SARS2: variants seen among roughly 807,000 people sequenced by gnomAD.
The protein encoded by SARS2 is serine--tRNA ligase, mitochondrial.
Under a neutral mutation model 66.8 loss-of-function variants are expected in SARS2, and 52 were observed. The ratio of observed to expected loss-of-function variants is 0.78; its 90% CI spans 0.62 to 0.98. The LOEUF is 0.98. SARS2 is among the 50% of genes least tolerant of loss of function. SARS2 has a pLI of 0.00. For missense variants in SARS2, 673 were observed against 706.3 expected (o/e 0.95, Z 0.53); for synonymous variants, 306 against 281.4 (o/e 1.09, Z -0.87).
intron 12 of SARS2, 152 bp from the exon 13 acceptor site, chr19:38,916,466 A>C (rs1294565358): frequency 1.5e-6 from 1 of 656,208 alleles, no homozygotes; most frequent in Non-Finnish European, 2.6e-6. Context: ...GACCTCATCT[A>C]CTCCAAAAAA....
At chr19:38,918,338 G>T in intron 9 of SARS2, 84 bp downstream of exon 9, 2 of 1,338,172 alleles carry the variant, frequency 1.5e-6, no homozygotes, top group Non-Finnish European at 2.1e-6. Context: ...CGGGGCAGGT[G>T]ATCCCCCCCA....
rs535439669 is a variant in SARS2, at chr19:38,921,331, G to A, written c.589+61C>T. On this transcript the variant is annotated intron_variant, in intron 5 of 15. Coordinates refer to ENST00000221431, the MANE Select transcript of SARS2 (RefSeq NM_017827.4). ...CCCAGACCCCAGGGGCCCCCACCCC[G>A]AGACCCCAGAACCCCCACACCGCAG... The A allele has an allele frequency of 2.3e-5, 35 of 1,549,808 alleles. No homozygotes were observed. In the African/African-American group the frequency reaches 2.4e-4, roughly 11 times the overall value.
chr19:38,921,002 TACAG>T (rs76999139), intron 5 of SARS2, among the ~76,000 whole-genome samples: 1 of 130,626 alleles, frequency 7.7e-6, no homozygotes, highest in Admixed American at 7.7e-5. Flanking sequence ...CACACACAGA[TACAG>T]ACACACACAG....
At chr19:38,928,522 A>C (rs942827747) in intron 1 of SARS2, among the ~76,000 whole-genome samples, 16 of 151,068 alleles carry the variant, frequency 1.1e-4, no homozygotes, top group African/African-American at 3.9e-4. Flanking sequence ...AATAATTGTT[A>C]ATGAAACCGG....
At position 38,930,728 on chromosome 19, in the gene SARS2, C is replaced by G; in HGVS notation, c.9G>C (p.Ala3=). Residue 3 remains alanine, a synonymous_variant, in exon 1 of 16, where the codon GCG becomes GCC. Coordinates refer to ENST00000221431, the MANE Select transcript of SARS2 (RefSeq NM_017827.4). MA[A]SMARRLWPLL... ...AAGGCCACAAGCGCCGCGCCATGGA[C>G]GCAGCCATCTTGGACCGGGAACAAG... The G allele has an allele frequency of 1.2e-6, 2 of 1,613,362 alleles. No individual in the cohort carries two copies. Among genetic ancestry groups the G allele is most frequent in the African/African-American group, 2.7e-5 (2 of 75,064 alleles).
chr19:38,917,963 T>G lies in SARS2; in HGVS notation c.1008A>C (p.Gly336=), dbSNP rs1974447875. The change falls in exon 11 of 16, where the codon GGA becomes GGC. Residue 336 remains glycine (G), a synonymous_variant. Coordinates refer to ENST00000221431, the MANE Select transcript of SARS2 (RefSeq NM_017827.4). ...STCYRAETNT[G]QEPRGLYRVH... is the part of the protein sequence containing the mutation. ...CTCGATACAGCCCCCGGGGTTCCTG[T>G]CCCGTGTTTGTCTCTGCCCGGTAGC... 2 of 1,608,108 alleles carry G rather than the reference T, an allele frequency of 1.2e-6. No homozygotes were observed. Among genetic ancestry groups the G allele is most frequent in the South Asian group, 2.2e-5 (2 of 90,082 alleles).
chr19:38,922,685 T>C (rs1219749428), intron 2 of SARS2, among the ~76,000 whole-genome samples: 1 of 151,910 alleles, frequency 6.6e-6, no homozygotes, highest in African/African-American at 2.4e-5. Flanking sequence ...CTGGGGGCGG[T>C]TTCCCCCATG....
At position 38,926,268 on chromosome 19, in the gene SARS2, C is replaced by G; in HGVS notation, c.300G>C (p.Gln100His). ...CTTCCTCCAGGCTCCGGATCTGCTC[C>G]TGCAGCTGCCTCAGCTCCTGCCATG... ...ISTWQELRQL[Q>H]EQIRSLEEEK... The change falls in exon 2 of 16, where the codon CAG (glutamine) becomes CAC (histidine). Residue 100 changes from glutamine (Q) to histidine (H), a missense_variant. Physicochemically the swap from Gln to His is conservative, Grantham distance 24 (BLOSUM62 0). Transcript: ENST00000221431. The G allele has an allele frequency of 6.2e-7, 1 of 1,605,630 alleles. No homozygotes were observed.
chr19:38,918,813 C>T lies in SARS2; in HGVS notation c.760G>A (p.Gly254Ser), dbSNP rs1355866953. 2 of 1,559,790 alleles carry T rather than the reference C, an allele frequency of 1.3e-6. No individual in the cohort carries two copies. The highest frequency in any genetic ancestry group is 1.7e-4 in the Middle Eastern group (1 of 6,014). ...NFTFNKLLRR[G>S]FTPMTVPDLL... ...TCTGGCACCGTCATGGGGGTGAAGCCCTGTTCAGGGGAGAGGATGAGTGAG... is the reference window on the plus strand; with the variant it reads ...TCTGGCACCGTCATGGGGGTGAAGCTCTGTTCAGGGGAGAGGATGAGTGAG... Residue 254 changes from glycine (G) to serine (S), a missense_variant and splice_region_variant, in exon 8 of 16, where the codon GGC becomes AGC. Gly to Ser is a moderately conservative substitution (Grantham distance 56, BLOSUM62 0). Transcript: ENST00000221431.
In SARS2 at chr19:38,916,079, G is replaced by A. The variant is rs373636201; in HGVS notation, c.1305C>T (p.Ile435=). ...CTDFQSRRLH[I]MFQTEAGELQ... ...GCTCCCCAGCCTCGGTCTGGAACAT[G>A]ATGTGGAGGCGGCGGCTCTGGAAGT... is the stretch of plus-strand genomic sequence containing the variant. Residue 435 remains isoleucine, a synonymous_variant, in exon 14 of 16, where the codon ATC becomes ATT. Transcript: ENST00000221431. 6.2e-7 allele frequency: 1 copy of A among 1,613,830 alleles called. No homozygotes were observed. The highest frequency in any genetic ancestry group is 1.7e-5 in the Admixed American group (1 of 60,012).
At chr19:38,916,419 GC>G in intron 12 of SARS2, 105 bp from the exon 13 acceptor site, 1 of 1,040,026 alleles carries the variant, frequency 9.6e-7, no homozygotes. Flanking sequence ...GCAGGAAAAA[GC>G]CCAGGAGTTT....
chr19:38,922,270 G>A lies in SARS2; in HGVS notation c.364-3C>T. 1 of 1,614,026 alleles carries A rather than the reference G, an allele frequency of 6.2e-7. No homozygotes were observed. The highest frequency in any genetic ancestry group is 8.5e-7 in the Non-Finnish European group (1 of 1,179,942). ...ACTTCACCACTGTCCTGGTTTGCCT[G>A]GTAGAAAAGAGACAGGGTGGGTGAT... is the stretch of plus-strand genomic sequence containing the variant. On this transcript the variant is annotated splice_polypyrimidine_tract_variant and splice_region_variant and intron_variant, in intron 2 of 15. Transcript: ENST00000221431.
rs1301682573 is a variant in SARS2 at position 38,915,730 on chromosome 19, G to T, written c.1433C>A (p.Pro478His). ...NQQKDGSVLV[P>H]PALQSYLGTD... ...GCCGAGGTAGGACTGGAGGGCAGGG[G>T]GCACGAGCACTGAGCCGTCCTGGGG... is the stretch of plus-strand genomic sequence containing the variant. Residue 478 changes from proline (P) to histidine (H), a missense_variant, in exon 16 of 16, where the codon CCC (proline) becomes CAC (histidine). Pro to His is a moderately conservative substitution (Grantham distance 77). Coordinates refer to ENST00000221431, the MANE Select transcript of SARS2 (RefSeq NM_017827.4). The T allele has an allele frequency of 1.2e-6, 2 of 1,613,074 alleles. No homozygotes were observed. Among genetic ancestry groups the T allele is most frequent in the African/African-American group, 2.7e-5 (2 of 74,920 alleles).
intron 8 of SARS2, 62 bp downstream of exon 8, chr19:38,918,704 C>G: frequency 6.5e-7 from 1 of 1,535,222 alleles, no homozygotes; most frequent in Non-Finnish European, 8.8e-7. Flanking sequence ...TTCCCTGCCT[C>G]GGGCACCCAC....
rs200202461 is a variant in SARS2 at position 38,916,069 on chromosome 19, T to A, written c.1315A>T (p.Thr439Ser). Residue 439 changes from threonine (T) to serine (S), a missense_variant, in exon 14 of 16, where the codon ACC (threonine) becomes TCC (serine). By Grantham distance (58) the Thr-to-Ser change is moderately conservative (BLOSUM62 1). Coordinates refer to ENST00000221431, the MANE Select transcript of SARS2 (RefSeq NM_017827.4). Reference sequence around the variant, plus strand: ...GCAAACTGCAGCTCCCCAGCCTCGGTCTGGAACATGATGTGGAGGCGGCGG... The same window carrying A: ...GCAAACTGCAGCTCCCCAGCCTCGGACTGGAACATGATGTGGAGGCGGCGG... ...QSRRLHIMFQ[T>S]EAGELQFAHT... 1.9e-4 allele frequency: 314 copies of A among 1,613,740 alleles called. 3 individuals carry two copies. The East Asian group carries it at 6.3e-3, about 32-fold the overall frequency.
At chr19:38,918,876 TGAA>T in intron 7 of SARS2, 63 bp from the exon 8 acceptor site, 1 of 1,497,262 alleles carries the variant, frequency 6.7e-7, no homozygotes, top group South Asian at 1.2e-5. Flanking sequence ...AGCTCAGCCC[TGAA>T]GAAGGGGTGC....
At chr19:38,925,143 A>C (rs946703012) in intron 2 of SARS2, among the ~76,000 whole-genome samples, 1 of 151,938 alleles carries the variant, frequency 6.6e-6, no homozygotes, top group Non-Finnish European at 1.5e-5. Flanking sequence ...GTGAAACCCT[A>C]TCTCTACTAA....
At chr19:38,923,899 G>A (rs147016356) in intron 2 of SARS2, among the ~76,000 whole-genome samples, 7 of 152,230 alleles carry the variant, frequency 4.6e-5, no homozygotes, top group African/African-American at 7.2e-5. Flanking sequence ...GCGTGAACCC[G>A]GGAGGCAAAG....
intron 6 of SARS2, 29 bp from the exon 7 acceptor site, chr19:38,919,896 C>T (rs1367270008): frequency 5.0e-6 from 8 of 1,591,912 alleles, no homozygotes. Context: ...GGCGGGTGCA[C>T]ATGGGCCAGG....
Sources: allele counts gnomAD v4.1 joint callset (sites outside exome capture counted in the v4.1 genomes callset), GRCh38; gene constraint gnomAD v4.1.1; transcripts MANE v1.5; gene names NCBI Gene and HGNC (gene_info 2026-07-23, HGNC 2026-07-21).